SLC22A24: variants seen among roughly 807,000 people sequenced by gnomAD.
The protein encoded by SLC22A24 is solute carrier family 22 member 24.
SLC22A24 carries 53 observed loss-of-function variants against 49.8 expected under a neutral mutation model. That is an observed-to-expected ratio of 1.06 (90% CI 0.85 to 1.34). SLC22A24 has a LOEUF of 1.34. SLC22A24 is among the 40% of genes most tolerant of loss of function. The probability of loss-of-function intolerance (pLI) is 0.00; values close to 1 mark genes in which losing one functional copy is unlikely to be tolerated. For missense variants in SLC22A24, 786 were observed against 675.9 expected (o/e 1.16, Z -1.81); for synonymous variants, 302 against 256.4 (o/e 1.18, Z -1.70).
chr11:63,123,728 C>T (rs1236499123), intron 2 of SLC22A24, among the ~76,000 whole-genome samples: 1 of 152,260 alleles, frequency 6.6e-6, no homozygotes, highest in African/African-American at 2.4e-5. Context: ...AGCAGTCCCC[C>T]AATAGTGGAA....
At chr11:63,108,661 G>A (rs978218967) in intron 4 of SLC22A24, among the ~76,000 whole-genome samples, 10 of 152,104 alleles carry the variant, frequency 6.6e-5, no homozygotes, top group Non-Finnish European at 1.0e-4. Flanking sequence ...TTAGTCTTGG[G>A]AGGGTGTATG....
chr11:63,103,076 T>C (rs1228002000), intron 5 of SLC22A24, among the ~76,000 whole-genome samples: 2 of 152,154 alleles, frequency 1.3e-5, no homozygotes, highest in African/African-American at 4.8e-5. Flanking sequence ...TATAATGAAA[T>C]AATACTTTTC....
intron 6 of SLC22A24, among the ~76,000 whole-genome samples, chr11:63,087,554 G>A (rs2086994993): frequency 3.9e-5 from 6 of 152,172 alleles, no homozygotes; most frequent in Admixed American, 3.9e-4. Context: ...GTGGTGCCTG[G>A]AACCTTAGCA....
At chr11:63,104,130 A>T in intron 5 of SLC22A24, 45 bp downstream of exon 5, 1 of 1,542,256 alleles carries the variant, frequency 6.5e-7, no homozygotes, top group Non-Finnish European at 8.7e-7. Context: ...TTGTGAGGTC[A>T]TGTTTTCATT....
intron 2 of SLC22A24, among the ~76,000 whole-genome samples, chr11:63,129,310 C>A (rs1257695483): frequency 2.6e-5 from 4 of 152,058 alleles, no homozygotes; most frequent in Non-Finnish European, 5.9e-5. Context: ...ATTTCTGAAG[C>A]TTCTATTCTG....
At chr11:63,105,912 A>C (rs576150812) in intron 4 of SLC22A24, among the ~76,000 whole-genome samples, 2 of 143,712 alleles carry the variant, frequency 1.4e-5, no homozygotes, top group Admixed American at 6.9e-5. Flanking sequence ...GCCCTTTTAA[A>C]ACTGAATTTT....
rs2086992237 is a variant in SLC22A24, at chr11:63,087,087, C to G, written c.1071-3630G>C. On this transcript the variant is annotated intron_variant, in intron 6 of 9. Coordinates refer to ENST00000612278, the MANE Select transcript of SLC22A24 (RefSeq NM_001136506.2). ...GGAGAGAGAGAGAGAGAGAGAGAAA[C>G]CCAAGTAAGTAGAAGCAAAGAAATA... 3.8e-5 allele frequency among the ~76,000 whole-genome samples: 5 copies of G among 132,372 alleles called. No individual in the cohort carries two copies. The South Asian group carries it at 1.2e-3, about 32-fold the overall frequency. The allele number at this position is 132,372 out of a possible 152,430, so 86.8% of individuals were successfully genotyped here.
At position 63,080,022 on chromosome 11, in the gene SLC22A24, A is replaced by C. The variant is rs767341697; in HGVS notation, c.1599-22T>G. On this transcript the variant is annotated intron_variant, in intron 9 of 9. Coordinates refer to ENST00000612278, the MANE Select transcript of SLC22A24 (RefSeq NM_001136506.2). ...TCTGCTGAGAAATAGAAATGCAAAC[A>C]AAAACAAGATTAAGAAACAAAAAAT... 16 of 1,455,732 alleles carry C rather than the reference A, an allele frequency of 1.1e-5. No individual in the cohort carries two copies. The Middle Eastern group carries it at 5.2e-4, about 47-fold the overall frequency. The allele number at this position is 1,455,732 out of a possible 1,614,324, so 90.2% of individuals were successfully genotyped here. A position where few individuals can be genotyped will look rare whatever the true frequency, so the allele number is the denominator to read the frequency against.
Position 63,118,997 on chromosome 11 carries a change from C to G in SLC22A24, c.745G>C (p.Gly249Arg), listed in dbSNP as rs1188630417. 3.2e-6 allele frequency: 5 copies of G among 1,551,664 alleles called. No individual in the cohort carries two copies. Among genetic ancestry groups the G allele is most frequent in the Admixed American group, 2.0e-5 (1 of 51,006 alleles). Residue 249 changes from glycine to arginine, a missense_variant, in exon 4 of 10, where the codon GGA becomes CGA. By Grantham distance (125) the Gly-to-Arg change is moderately radical. Coordinates refer to ENST00000612278, the MANE Select transcript of SLC22A24 (RefSeq NM_001136506.2). The stretch of plus-strand genomic sequence containing the variant: ...TCCTGAATGGCAAAAGCCAGCCCTC[C>G]TAGGAGCATCTGCCCAACACTGTAG... ...CSYSVGQMLLGGLAFAIQDWH... is the reference protein window; with the variant it reads ...CSYSVGQMLLRGLAFAIQDWH...
At chr11:63,120,593 G>C (rs1222028465) in intron 2 of SLC22A24, among the ~76,000 whole-genome samples, 1 of 152,036 alleles carries the variant, frequency 6.6e-6, no homozygotes, top group African/African-American at 2.4e-5. Context: ...TAAACAAATA[G>C]AAAAGAGCAG....
At chr11:63,111,256 T>G (rs1218589896) in intron 4 of SLC22A24, among the ~76,000 whole-genome samples, 5 of 151,908 alleles carry the variant, frequency 3.3e-5, no homozygotes, top group Admixed American at 6.6e-5. Flanking sequence ...TTTGCCAGTA[T>G]TTTATTGAGG....
At chr11:63,118,836 C>T (rs1373942309) in intron 4 of SLC22A24, 76 bp downstream of exon 4, 3 of 1,467,286 alleles carry the variant, frequency 2.0e-6, no homozygotes, top group Non-Finnish European at 2.8e-6. Context: ...CCGAACAGAT[C>T]CCAGGTGTCA....
chr11:63,100,580 C>T (rs1363706233), intron 5 of SLC22A24, among the ~76,000 whole-genome samples: 1 of 151,982 alleles, frequency 6.6e-6, no homozygotes, highest in Non-Finnish European at 1.5e-5. Context: ...AGTGGAACCA[C>T]AAATGACTTA....
intron 4 of SLC22A24, among the ~76,000 whole-genome samples, chr11:63,111,812 A>G (rs2087167524): frequency 6.6e-6 from 1 of 152,028 alleles, no homozygotes; most frequent in Non-Finnish European, 1.5e-5. Flanking sequence ...TCCTGGATTC[A>G]TTAATTTTTT....
intron 5 of SLC22A24, among the ~76,000 whole-genome samples, chr11:63,097,055 G>T (rs1371539379): frequency 6.6e-6 from 1 of 151,942 alleles, no homozygotes; most frequent in Non-Finnish European, 1.5e-5. Context: ...GGATATGGGA[G>T]ACTTTTACAT....
At position 63,081,612 on chromosome 11, in the gene SLC22A24, G is replaced by C. The variant is rs1255532954; in HGVS notation, c.1340C>G (p.Ala447Gly). 1.3e-6 allele frequency: 2 copies of C among 1,551,476 alleles called. No homozygotes were observed. Among genetic ancestry groups the C allele is most frequent in the East Asian group, 4.9e-5 (2 of 40,936 alleles). ...GTGGACAGAAGCACTGTTGCTAGCA[G>C]CAGAAACACTACCAATTCCCAAAGT... ...LATLGIGSVS[A>G]ASNSASVHHN... Residue 447 changes from alanine to glycine, a missense_variant, in exon 8 of 10, where the codon GCT (alanine) becomes GGT (glycine). Physicochemically the swap from Ala to Gly is moderately conservative, Grantham distance 60. Transcript: ENST00000612278.
chr11:63,128,538 G>A (rs746555361), intron 2 of SLC22A24, among the ~76,000 whole-genome samples: 19 of 152,264 alleles, frequency 1.2e-4, no homozygotes, highest in East Asian at 7.7e-4. Flanking sequence ...GTGTTTCAGC[G>A]GTCATGCTCC....
chr11:63,113,097 T>C (rs1565332121), intron 4 of SLC22A24, among the ~76,000 whole-genome samples: 538 of 7,374 alleles, frequency 0.073, 202 homozygotes, highest in Non-Finnish European at 0.12. Context: ...TATACATATA[T>C]ATATACATAT....
chr11:63,080,494 G>A (rs1217660324), intron 9 of SLC22A24, among the ~76,000 whole-genome samples: 2 of 152,266 alleles, frequency 1.3e-5, no homozygotes, highest in Non-Finnish European at 2.9e-5. Flanking sequence ...CAATAATTAG[G>A]TATGAGGCAA....
Sources: allele counts gnomAD v4.1 joint callset (sites outside exome capture counted in the v4.1 genomes callset), GRCh38; gene constraint gnomAD v4.1.1; transcripts MANE v1.5; gene names NCBI Gene and HGNC (gene_info 2026-07-23, HGNC 2026-07-21).